Variants in LUZP2 observed in about 807,000 individuals in gnomAD.
LUZP2 encodes leucine zipper protein 2.
Under a neutral mutation model 51.6 loss-of-function variants are expected in LUZP2, and 52 were observed. The observed-to-expected ratio is 1.01, with a 90% CI of 0.81 to 1.27. The LOEUF is 1.27. Among genes scored for constraint, LUZP2 ranks in the 50% most tolerant of loss-of-function variants. The pLI, the probability that LUZP2 is intolerant of heterozygous loss-of-function variation, is 0.00. For missense variants in LUZP2, 436 were observed against 395.4 expected (o/e 1.10, Z -0.87); for synonymous variants, 154 against 137.3 (o/e 1.12, Z -0.85).
At chr11:25,016,888 C>T (rs775082659) in intron 9 of LUZP2, among the ~76,000 whole-genome samples, 10 of 151,992 alleles carry the variant, frequency 6.6e-5, no homozygotes, top group Non-Finnish European at 1.3e-4. Context: ...TTCATTCTCA[C>T]CAGCAATGTA....
At chr11:24,573,151 C>G in intron 1 of LUZP2, among the ~76,000 whole-genome samples, 1 of 151,582 alleles carries the variant, frequency 6.6e-6, no homozygotes, top group East Asian at 1.9e-4. Context: ...CAGGAAGATA[C>G]CAGAGTAACA....
intron 1 of LUZP2, among the ~76,000 whole-genome samples, chr11:24,533,753 A>G (rs1851084842): frequency 6.6e-6 from 1 of 151,166 alleles, no homozygotes; most frequent in Non-Finnish European, 1.5e-5. Context: ...CTTACCAGCT[A>G]TTTGGGACAA....
intron 4 of LUZP2, among the ~76,000 whole-genome samples, chr11:24,743,422 T>G (rs1159168827): frequency 6.6e-6 from 1 of 152,254 alleles, no homozygotes; most frequent in Non-Finnish European, 1.5e-5. Context: ...GTTAGGTATA[T>G]TCCTAAGTAT....
chr11:24,864,322 A>G (rs1851823995), intron 5 of LUZP2, among the ~76,000 whole-genome samples: 1 of 152,158 alleles, frequency 6.6e-6, no homozygotes, highest in African/African-American at 2.4e-5. Context: ...TGACAAAGGC[A>G]TTACAGAATT....
rs148972063 is a variant in LUZP2 at position 25,041,920 on chromosome 11, G to A, written c.766-8118G>A. Reference sequence around the variant, plus strand: ...GAGGGGAACCCCTATTGTGAACTGCGTGTGCGAGGGATCTGGGTTATGTGC... The same window carrying A: ...GAGGGGAACCCCTATTGTGAACTGCATGTGCGAGGGATCTGGGTTATGTGC... On this transcript the variant is annotated intron_variant, in intron 9 of 11. Coordinates refer to ENST00000336930, the MANE Select transcript of LUZP2 (RefSeq NM_001009909.4). 3.8e-4 allele frequency among the ~76,000 whole-genome samples: 58 copies of A among 152,270 alleles called. 1 individual carries two copies. In the East Asian group the frequency reaches 6.2e-3, roughly 16 times the overall value.
intron 1 of LUZP2, among the ~76,000 whole-genome samples, chr11:24,583,102 A>T (rs1265005741): frequency 6.6e-6 from 1 of 152,130 alleles, no homozygotes; most frequent in South Asian, 2.1e-4. Flanking sequence ...GTAATGAATT[A>T]TGTATAGTTT....
rs575503074 is a variant in LUZP2, at chr11:24,936,538, C to A, written c.522+22000C>A. 3.5e-4 allele frequency among the ~76,000 whole-genome samples: 34 copies of A among 96,552 alleles called. No individual in the cohort carries two copies. The East Asian group carries it at 0.015, about 43-fold the overall frequency. 63.3% of individuals were successfully genotyped at this position (96,552 alleles called of 152,430 possible). On this transcript the variant is annotated intron_variant, in intron 7 of 11. Transcript: ENST00000336930. ...GTTTAAGGTTCACAAAAGAGTAAGG[C>A]AATTTTTTTTTTTCCTTATACAATA...
At chr11:24,783,681 A>T (rs1803735131) in intron 5 of LUZP2, among the ~76,000 whole-genome samples, 1 of 151,958 alleles carries the variant, frequency 6.6e-6, no homozygotes, top group Admixed American at 6.6e-5. Flanking sequence ...TCCTTGTCAG[A>T]GCTAGAGAAC....
At chr11:24,914,686 CAACTT>C (rs1372405490) in intron 7 of LUZP2, 148 bp downstream of exon 7, 9 of 616,808 alleles carry the variant, frequency 1.5e-5, no homozygotes, top group African/African-American at 1.3e-4. Flanking sequence ...ATTTTCTTGA[CAACTT>C]AATTAATGGA....
chr11:24,948,827 CT>C (rs1475221146), intron 7 of LUZP2, among the ~76,000 whole-genome samples: 180 of 6,126 alleles, frequency 0.029, 1 homozygote, highest in African/African-American at 0.039. Context: ...TATCTATCAT[CT>C]ATCTATCTAT....
rs112455722 is a variant in LUZP2, at chr11:25,052,998, A to G, written c.858+2868A>G. Among the ~76,000 whole-genome samples, 378 of 152,252 alleles carry G rather than the reference A, an allele frequency of 2.5e-3. 1 individual carries two copies. Among genetic ancestry groups the G allele is most frequent in the African/African-American group, 8.8e-3 (364 of 41,566 alleles). ...AACTTTATTCCTATTTCTTGTTTTA[A>G]CTTGATTTTCAGTTGTAATGAATTC... On this transcript the variant is annotated intron_variant, in intron 10 of 11. Transcript: ENST00000336930.
intron 1 of LUZP2, among the ~76,000 whole-genome samples, chr11:24,595,343 A>G (rs1375656324): frequency 2.6e-5 from 4 of 152,242 alleles, no homozygotes; most frequent in African/African-American, 9.6e-5. Flanking sequence ...TGTTCCAAGA[A>G]GGAGCAAAGG....
At chr11:24,965,072 T>C (rs1445671537) in intron 7 of LUZP2, among the ~76,000 whole-genome samples, 2 of 151,404 alleles carry the variant, frequency 1.3e-5, no homozygotes, top group Non-Finnish European at 3.0e-5. Context: ...CCCATTAAGA[T>C]TCCCAAGATT....
intron 1 of LUZP2, among the ~76,000 whole-genome samples, chr11:24,594,014 G>A (rs931219181): frequency 2.0e-5 from 3 of 152,114 alleles, no homozygotes; most frequent in Admixed American, 6.6e-5. Flanking sequence ...AGAGTGCCTG[G>A]CACTTAGTAA....
chr11:24,554,301 C>A lies in LUZP2; in HGVS notation c.62+56996C>A, dbSNP rs1394023582. On this transcript the variant is annotated intron_variant, in intron 1 of 11. Coordinates refer to ENST00000336930, the MANE Select transcript of LUZP2 (RefSeq NM_001009909.4). ...AGGGCACATTGATGAACTAAAGAGACTATTGTCTTATATATTCAGAATAAA... is the reference window on the plus strand; with the variant it reads ...AGGGCACATTGATGAACTAAAGAGAATATTGTCTTATATATTCAGAATAAA... Among the ~76,000 whole-genome samples, 7 of 151,984 alleles carry A rather than the reference C, an allele frequency of 4.6e-5. No individual in the cohort carries two copies. In the South Asian group the frequency reaches 8.3e-4, roughly 18 times the overall value.
intron 3 of LUZP2, among the ~76,000 whole-genome samples, chr11:24,737,728 T>C (rs1032229164): frequency 1.3e-5 from 2 of 152,076 alleles, no homozygotes; most frequent in African/African-American, 4.8e-5. Flanking sequence ...AAGTTTCTTT[T>C]CCCTGTTTTT....
chr11:24,571,626 G>A (rs1163352692), intron 1 of LUZP2, among the ~76,000 whole-genome samples: 2 of 151,970 alleles, frequency 1.3e-5, no homozygotes, highest in South Asian at 4.1e-4. Context: ...GAAATTAATA[G>A]GTAATTTGGT....
At chr11:25,043,330 A>T (rs554480237) in intron 9 of LUZP2, among the ~76,000 whole-genome samples, 5 of 152,196 alleles carry the variant, frequency 3.3e-5, no homozygotes, top group Admixed American at 6.6e-5. Context: ...TTAGCCCAGT[A>T]CAGTGGTCAA....
chr11:24,918,986 T>A (rs1853910543), intron 7 of LUZP2, among the ~76,000 whole-genome samples: 1 of 143,604 alleles, frequency 7.0e-6, no homozygotes, highest in Non-Finnish European at 1.5e-5. Flanking sequence ...ATATACTATA[T>A]ATCCATAATA....
Sources: allele counts gnomAD v4.1 joint callset (sites outside exome capture counted in the v4.1 genomes callset), GRCh38; gene constraint gnomAD v4.1.1; transcripts MANE v1.5; gene names NCBI Gene and HGNC (gene_info 2026-07-23, HGNC 2026-07-21).